Variants in PXDNL observed in about 807,000 individuals in gnomAD.
PXDNL encodes the protein peroxidasin like.
In PXDNL, 145 loss-of-function variants were observed where a neutral mutation model predicts 150.8. The ratio of observed to expected loss-of-function variants is 0.96; its 90% CI spans 0.84 to 1.10. PXDNL has a LOEUF of 1.10. PXDNL is among the 50% of genes least tolerant of loss of function. The pLI, the probability that PXDNL is intolerant of heterozygous loss-of-function variation, is 0.00. For synonymous variants in PXDNL, 757 were observed against 725.7 expected (o/e 1.04, Z -0.69); for missense variants, 2,087 against 1,873.9 (o/e 1.11, Z -2.10).
At chr8:51,395,566 AT>A (rs905574546) in intron 17 of PXDNL, among the ~76,000 whole-genome samples, 3 of 152,188 alleles carry the variant, frequency 2.0e-5, no homozygotes, top group Non-Finnish European at 4.4e-5. Flanking sequence ...AACAACCAAT[AT>A]TTTTTAAGTA....
intron 1 of PXDNL, among the ~76,000 whole-genome samples, chr8:51,696,805 TCACACA>T (rs769772282): frequency 0.048 from 1,255 of 26,316 alleles, 22 homozygotes; most frequent in Admixed American, 0.081. Context: ...ACATAGGTCT[TCACACA>T]CACACACACA....
chr8:51,663,816 C>T (rs1335010776), intron 1 of PXDNL, among the ~76,000 whole-genome samples: 2 of 152,000 alleles, frequency 1.3e-5, no homozygotes, highest in Admixed American at 6.6e-5. Flanking sequence ...TTTGGGAAGC[C>T]CGAGACAGGC....
intron 4 of PXDNL, among the ~76,000 whole-genome samples, chr8:51,542,507 AAAAGAG>A: frequency 6.6e-6 from 1 of 151,682 alleles, no homozygotes; most frequent in African/African-American, 2.4e-5. Flanking sequence ...AAAAAAAAAA[AAAAGAG>A]AGAGAGAGAA....
chr8:51,734,513 C>T (rs2130939932), intron 1 of PXDNL, among the ~76,000 whole-genome samples: 2 of 152,226 alleles, frequency 1.3e-5, no homozygotes, highest in East Asian at 3.9e-4. Flanking sequence ...CACAGCTCAT[C>T]AACATCAATA....
intron 2 of PXDNL, among the ~76,000 whole-genome samples, chr8:51,620,991 C>T (rs1814239006): frequency 6.6e-6 from 1 of 152,152 alleles, no homozygotes; most frequent in Non-Finnish European, 1.5e-5. Context: ...GTTGTTTGCC[C>T]TTTAAGAGCT....
At chr8:51,325,217 T>G (rs376208552) in intron 21 of PXDNL, among the ~76,000 whole-genome samples, 2 of 152,190 alleles carry the variant, frequency 1.3e-5, no homozygotes, top group East Asian at 3.9e-4. Context: ...ATCACTTCAG[T>G]GTTGATTGCC....
chr8:51,719,366 T>G lies in PXDNL; in HGVS notation c.165-64606A>C, dbSNP rs562846570. ...CCCCAACCTGGTGCTCTCTAAAACA[T>G]GTGCTGTGTCCACTCAGGGTTAAAT... On this transcript the variant is annotated intron_variant, in intron 1 of 22. Transcript: ENST00000356297. Among the ~76,000 whole-genome samples the G allele has an allele frequency of 4.2e-3, 646 of 152,328 alleles. 9 individuals are homozygous for G. The highest frequency in any genetic ancestry group is 4.5e-3 in the Non-Finnish European group (304 of 68,032).
intron 1 of PXDNL, among the ~76,000 whole-genome samples, chr8:51,729,009 T>C (rs573118681): frequency 1.3e-5 from 2 of 152,340 alleles, no homozygotes; most frequent in South Asian, 4.1e-4. Context: ...ATTTTACATA[T>C]GTTTAGATAC....
At chr8:51,395,821 A>G (rs1476288954) in intron 17 of PXDNL, among the ~76,000 whole-genome samples, 2 of 152,180 alleles carry the variant, frequency 1.3e-5, no homozygotes, top group Admixed American at 1.3e-4. Context: ...TAAAAAATCT[A>G]TTACTGCCTA....
intron 1 of PXDNL, among the ~76,000 whole-genome samples, chr8:51,780,700 C>T (rs1395490105): frequency 7.0e-6 from 1 of 142,886 alleles, no homozygotes; most frequent in Non-Finnish European, 1.5e-5. Flanking sequence ...ACTCTTGTCA[C>T]CCAGGCTGGA....
At chr8:51,445,317 C>T (rs1279963678) in intron 12 of PXDNL, among the ~76,000 whole-genome samples, 1 of 152,180 alleles carries the variant, frequency 6.6e-6, no homozygotes, top group Non-Finnish European at 1.5e-5. Flanking sequence ...ACTCAACCAA[C>T]AATCCCAACT....
At chr8:51,534,192 G>A (rs1463929155) in intron 4 of PXDNL, among the ~76,000 whole-genome samples, 1 of 140,584 alleles carries the variant, frequency 7.1e-6, no homozygotes, top group Non-Finnish European at 1.5e-5. Flanking sequence ...TCTGGGAGGT[G>A]AGGAGCGTCT....
intron 12 of PXDNL, among the ~76,000 whole-genome samples, chr8:51,440,033 A>G (rs575328168): frequency 6.6e-6 from 1 of 151,552 alleles, no homozygotes; most frequent in South Asian, 2.1e-4. Context: ...ATTGTGAGAC[A>G]GATATACATA....
At chr8:51,357,970 G>A (rs201577933) in intron 19 of PXDNL, among the ~76,000 whole-genome samples, 4 of 152,194 alleles carry the variant, frequency 2.6e-5, no homozygotes, top group African/African-American at 9.7e-5. Context: ...CATGCAGCAT[G>A]AAGAAACTAG....
At chr8:51,365,094 C>T (rs1218017681) in intron 19 of PXDNL, among the ~76,000 whole-genome samples, 1 of 152,150 alleles carries the variant, frequency 6.6e-6, no homozygotes, top group East Asian at 1.9e-4. Flanking sequence ...GCACCCACCA[C>T]ACCCAGCTAA....
chr8:51,600,478 A>G (rs540906175), intron 2 of PXDNL, among the ~76,000 whole-genome samples: 3 of 136,786 alleles, frequency 2.2e-5, no homozygotes, highest in Non-Finnish European at 3.1e-5. Flanking sequence ...ATTATATCTT[A>G]TATAAATTAT....
intron 3 of PXDNL, among the ~76,000 whole-genome samples, chr8:51,558,223 A>T (rs910607854): frequency 2.0e-5 from 3 of 152,068 alleles, no homozygotes; most frequent in African/African-American, 7.2e-5. Flanking sequence ...CCTTATAGTA[A>T]TGTCTGGGTC....
intron 17 of PXDNL, among the ~76,000 whole-genome samples, chr8:51,397,707 G>A (rs1808125987): frequency 6.6e-6 from 1 of 152,096 alleles, no homozygotes; most frequent in Non-Finnish European, 1.5e-5. Flanking sequence ...ATTGCAGGAG[G>A]ACATAAAGAG....
chr8:51,531,043 C>T (rs777916383), intron 4 of PXDNL, among the ~76,000 whole-genome samples: 9 of 151,772 alleles, frequency 5.9e-5, no homozygotes, highest in South Asian at 2.1e-4. Flanking sequence ...AGTCCAAATA[C>T]GGAAAGTTAC....
Sources: gnomAD v4.1 joint callset for allele counts (sites outside exome capture counted in the v4.1 genomes callset) on GRCh38, gnomAD v4.1.1 for gene constraint, MANE v1.5 for transcripts, NCBI Gene and HGNC (gene_info 2026-07-23, HGNC 2026-07-21) for gene names.